The following DTL variants were observed in gnomAD, a reference collection of about 807,000 sequenced individuals.
DTL encodes denticleless E3 ubiquitin protein ligase adapter.
DTL carries 46 observed loss-of-function variants against 87.0 expected under a neutral mutation model. The observed-to-expected ratio is 0.53, with a 90% CI of 0.42 to 0.68. The LOEUF (loss-of-function observed/expected upper bound fraction) is 0.68, where lower values mean the gene tolerates loss of function less well. Ranked by LOEUF, DTL falls within the 30% of genes least tolerant of loss-of-function variation. The pLI is 0.00. For synonymous variants in DTL, 308 were observed against 311.2 expected (o/e 0.99, Z 0.11); for missense variants, 737 against 869.4 (o/e 0.85, Z 1.91).
chr1:212,043,469 T>C (rs1571938908), intron 2 of DTL, among the ~76,000 whole-genome samples: 1 of 152,132 alleles, frequency 6.6e-6, no homozygotes, highest in African/African-American at 2.4e-5. Context: ...TTGGGGAATA[T>C]ATGAACAGAA....
At chr1:212,057,254 C>T (rs1372007414) in intron 5 of DTL, among the ~76,000 whole-genome samples, 3 of 151,316 alleles carry the variant, frequency 2.0e-5, no homozygotes, top group Admixed American at 6.6e-5. Context: ...AGAGAAAAAA[C>T]ATCTAGTCAC....
chr1:212,064,134 T>A (rs1654420417), intron 6 of DTL, among the ~76,000 whole-genome samples: 1 of 152,092 alleles, frequency 6.6e-6, no homozygotes, highest in African/African-American at 2.4e-5. Flanking sequence ...TCAGGCAATC[T>A]GCCTGCCTCA....
chr1:212,063,477 A>C (rs962704419), intron 6 of DTL, among the ~76,000 whole-genome samples: 11 of 151,642 alleles, frequency 7.3e-5, no homozygotes, highest in African/African-American at 2.7e-4. Flanking sequence ...TTTTAATAGA[A>C]ATGGGGTTTC....
rs1341336326 is a variant in DTL, at chr1:212,035,840, G to A, written c.-51G>A. 3 of 1,574,118 alleles carry A rather than the reference G, an allele frequency of 1.9e-6. No homozygotes were observed. The highest frequency in any genetic ancestry group is 1.3e-5 in the African/African-American group (1 of 74,228). On this transcript the variant is annotated 5_prime_UTR_variant, in exon 1 of 15. Coordinates refer to ENST00000366991, the MANE Select transcript of DTL (RefSeq NM_016448.4). ...GCAAGCTGCGATTTCTGCTGAACTTGGAGGCATTTCTACGACTTTTCTCTC... is the reference window on the plus strand; with the variant it reads ...GCAAGCTGCGATTTCTGCTGAACTTAGAGGCATTTCTACGACTTTTCTCTC...
chr1:212,067,097 G>A (rs1039765088), intron 8 of DTL, among the ~76,000 whole-genome samples: 2 of 152,216 alleles, frequency 1.3e-5, no homozygotes, highest in African/African-American at 2.4e-5. Flanking sequence ...CATGTGTCAC[G>A]CTTAGCACAT....
chr1:212,060,910 G>A (rs185309171), intron 5 of DTL, among the ~76,000 whole-genome samples: 64 of 152,122 alleles, frequency 4.2e-4, no homozygotes, highest in African/African-American at 1.5e-3. Flanking sequence ...AGATAAACTA[G>A]ACTATACTAA....
chr1:212,069,619 C>T (rs1192582296), intron 10 of DTL, among the ~76,000 whole-genome samples: 2 of 151,476 alleles, frequency 1.3e-5, no homozygotes, highest in Non-Finnish European at 2.9e-5. Flanking sequence ...GATCTCGGCT[C>T]ACTGCACCCT....
chr1:212,092,679 T>C (rs1655321110), intron 13 of DTL, among the ~76,000 whole-genome samples: 1 of 152,258 alleles, frequency 6.6e-6, no homozygotes, highest in African/African-American at 2.4e-5. Flanking sequence ...GAAGGGCATT[T>C]GGGCTGGTTC....
chr1:212,052,072 A>G (rs1668002193), intron 5 of DTL: 6 of 888,424 alleles, frequency 6.8e-6, no homozygotes, highest in Non-Finnish European at 1.1e-5. Context: ...TTCTGGGTCA[A>G]CAGCTTTTTT....
In DTL at chr1:212,066,920, C is replaced by G. The variant is rs751598479; in HGVS notation, c.713+35C>G. 4 of 1,550,110 alleles carry G rather than the reference C, an allele frequency of 2.6e-6. No homozygotes were observed. In the Admixed American group the frequency reaches 6.8e-5, roughly 26 times the overall value. On this transcript the variant is annotated intron_variant, in intron 8 of 14. Coordinates refer to ENST00000366991, the MANE Select transcript of DTL (RefSeq NM_016448.4). ...TATTTCTTTTTTCTTCCGACGAGAT[C>G]TTTTTTATGAGATTGTGATGAGGCA...
At chr1:212,038,927 T>C (rs1331689737) in intron 1 of DTL, among the ~76,000 whole-genome samples, 1 of 152,198 alleles carries the variant, frequency 6.6e-6, no homozygotes. Context: ...GATTTGATAA[T>C]CACATCATCC....
At position 212,059,489 on chromosome 1, in the gene DTL, A is replaced by T. The variant is rs370608055; in HGVS notation, c.461-3395A>T. On this transcript the variant is annotated intron_variant, in intron 5 of 14. Coordinates refer to ENST00000366991, the MANE Select transcript of DTL (RefSeq NM_016448.4). The stretch of plus-strand genomic sequence containing the variant: ...TTCAGCATCTCCTCCGAATTAAAAA[A>T]CTCAACCAACTAGGCATGGAAGGAA... 7.2e-5 allele frequency among the ~76,000 whole-genome samples: 11 copies of T among 152,102 alleles called. No homozygotes were observed. In the East Asian group the frequency reaches 9.7e-4, roughly 13 times the overall value.
chr1:212,064,184 A>G, intron 6 of DTL, among the ~76,000 whole-genome samples: 1 of 152,018 alleles, frequency 6.6e-6, no homozygotes, highest in East Asian at 1.9e-4. Flanking sequence ...AAATAATAAA[A>G]TTATTTAGAA....
chr1:212,078,394 G>A, intron 12 of DTL, 132 bp downstream of exon 12: 1 of 608,330 alleles, frequency 1.6e-6, no homozygotes, highest in Non-Finnish European at 2.9e-6. Flanking sequence ...AGGCCATCCA[G>A]GATCTATATT....
chr1:212,062,121 A>G (rs1379338051), intron 5 of DTL, among the ~76,000 whole-genome samples: 1 of 152,216 alleles, frequency 6.6e-6, no homozygotes, highest in Non-Finnish European at 1.5e-5. Context: ...ATAAATATGT[A>G]AAATACTATG....
chr1:212,093,533 G>A (rs1655349994), intron 13 of DTL, among the ~76,000 whole-genome samples: 1 of 152,356 alleles, frequency 6.6e-6, no homozygotes, highest in South Asian at 2.1e-4. Context: ...CTTTCCCCTG[G>A]AGTTGGGCCC....
chr1:212,060,386 A>T (rs1668307501), intron 5 of DTL, among the ~76,000 whole-genome samples: 2 of 152,162 alleles, frequency 1.3e-5, no homozygotes, highest in South Asian at 2.1e-4. Flanking sequence ...GTGCTGGGAA[A>T]ACTGGGTATC....
intron 6 of DTL, among the ~76,000 whole-genome samples, chr1:212,063,896 T>G (rs1654411891): frequency 1.9e-5 from 1 of 51,334 alleles, no homozygotes; most frequent in Non-Finnish European, 3.6e-5. Context: ...TTGTTTCTTG[T>G]TTTTTTTTTT....
At chr1:212,036,459 A>G (rs1309293982) in intron 1 of DTL, among the ~76,000 whole-genome samples, 1 of 152,178 alleles carries the variant, frequency 6.6e-6, no homozygotes, top group East Asian at 1.9e-4. Flanking sequence ...CGTTTACTAC[A>G]CGGTCATAAA....
Sources: allele counts gnomAD v4.1 joint callset (sites outside exome capture counted in the v4.1 genomes callset), GRCh38; gene constraint gnomAD v4.1.1; transcripts MANE v1.5; gene names NCBI Gene and HGNC (gene_info 2026-07-23, HGNC 2026-07-21).